Variants in RAB10 observed in about 807,000 individuals in gnomAD.
RAB10 encodes the protein ras-related protein Rab-10.
In RAB10, 5 loss-of-function variants were observed where a neutral mutation model predicts 25.7. The observed-to-expected ratio is 0.19, with a 90% CI of 0.10 to 0.41. The LOEUF is 0.41. RAB10 is among the 10% of genes least tolerant of loss of function. RAB10 has a pLI of 1.00. For synonymous variants in RAB10, 89 were observed against 86.4 expected (o/e 1.03, Z -0.16); for missense variants, 103 against 245.8 (o/e 0.42, Z 3.89).
chr2:26,081,632 T>C (rs1371751076), intron 1 of RAB10, among the ~76,000 whole-genome samples: 3 of 152,236 alleles, frequency 2.0e-5, no homozygotes. Context: ...ATTGACGTAC[T>C]TGGGTTATAT....
At chr2:26,104,305 G>T (rs1667420436) in intron 2 of RAB10, among the ~76,000 whole-genome samples, 1 of 152,140 alleles carries the variant, frequency 6.6e-6, no homozygotes, top group Non-Finnish European at 1.5e-5. Context: ...TCTCATTATG[G>T]TTTTTATTTG....
chr2:26,063,200 C>A lies in RAB10; in HGVS notation c.127+28465C>A, dbSNP rs906832123. Among the ~76,000 whole-genome samples the A allele has an allele frequency of 6.6e-5, 10 of 151,918 alleles. No individual in the cohort carries two copies. The East Asian group carries it at 1.9e-3, about 29-fold the overall frequency. ...AGACTGTCCTCCTCAGGCTCGCTTT[C>A]TTGTGTAGATAGCCTTGGCAGTTTT... is the stretch of plus-strand genomic sequence containing the variant. On this transcript the variant is annotated intron_variant, in intron 1 of 5. Coordinates refer to ENST00000264710, the MANE Select transcript of RAB10 (RefSeq NM_016131.5).
intron 1 of RAB10, among the ~76,000 whole-genome samples, chr2:26,090,822 C>T (rs977985328): frequency 4.0e-5 from 6 of 151,750 alleles, no homozygotes; most frequent in African/African-American, 9.7e-5. Context: ...TAGTCCCAGC[C>T]GCTCTGGGCA....
intron 1 of RAB10, among the ~76,000 whole-genome samples, chr2:26,062,050 G>A (rs1472593759): frequency 6.6e-6 from 1 of 152,116 alleles, no homozygotes. Flanking sequence ...TTCTGTATGT[G>A]ATGTCTTTTT....
intron 2 of RAB10, 120 bp from the exon 3 acceptor site, chr2:26,109,648 A>T: frequency 9.8e-7 from 1 of 1,020,280 alleles, no homozygotes; most frequent in Non-Finnish European, 1.3e-6. Context: ...GTAGGTTATT[A>T]ATTTCCTTCA....
chr2:26,079,327 A>ACG (rs1342205984), intron 1 of RAB10, among the ~76,000 whole-genome samples: 1 of 141,336 alleles, frequency 7.1e-6, no homozygotes, highest in Non-Finnish European at 1.6e-5. Context: ...ACACACAAAC[A>ACG]CACACACACA....
At chr2:26,086,482 A>G (rs905326319) in intron 1 of RAB10, among the ~76,000 whole-genome samples, 1 of 152,226 alleles carries the variant, frequency 6.6e-6, no homozygotes, top group Admixed American at 6.5e-5. Flanking sequence ...ACGTGGAGAA[A>G]TTGGAGCCCT....
chr2:26,089,849 A>G (rs1246135739), intron 1 of RAB10, among the ~76,000 whole-genome samples: 1 of 152,200 alleles, frequency 6.6e-6, no homozygotes, highest in Non-Finnish European at 1.5e-5. Flanking sequence ...TAAGCCAAGT[A>G]GTGTACTATA....
At chr2:26,094,393 A>G (rs60458548) in intron 1 of RAB10, among the ~76,000 whole-genome samples, 2,226 of 151,436 alleles carry the variant, frequency 0.015, 39 homozygotes, top group South Asian at 0.039. Flanking sequence ...CTGGGATTAC[A>G]GGCGCCCACC....
chr2:26,101,143 T>G (rs1667330256), intron 2 of RAB10, among the ~76,000 whole-genome samples: 1 of 152,086 alleles, frequency 6.6e-6, no homozygotes, highest in South Asian at 2.1e-4. Flanking sequence ...TTGCCAGGTG[T>G]TGGTGGTAGG....
At chr2:26,087,607 G>A (rs1201409444) in intron 1 of RAB10, among the ~76,000 whole-genome samples, 1 of 152,118 alleles carries the variant, frequency 6.6e-6, no homozygotes, top group East Asian at 1.9e-4. Flanking sequence ...TTCACCAGTT[G>A]ACCAGGTTGG....
At chr2:26,115,400 C>T (rs1667662674) in intron 3 of RAB10, among the ~76,000 whole-genome samples, 1 of 151,948 alleles carries the variant, frequency 6.6e-6, no homozygotes, top group East Asian at 1.9e-4. Flanking sequence ...AAGGGAACAT[C>T]ACTCAGCCAT....
chr2:26,048,104 T>G (rs1666055586), intron 1 of RAB10, among the ~76,000 whole-genome samples: 1 of 151,998 alleles, frequency 6.6e-6, no homozygotes, highest in Non-Finnish European at 1.5e-5. Flanking sequence ...TTGTTTAATC[T>G]TTACCCATTG....
intron 1 of RAB10, among the ~76,000 whole-genome samples, chr2:26,094,291 A>T (rs936361052): frequency 4.8e-5 from 7 of 146,918 alleles, no homozygotes; most frequent in African/African-American, 1.8e-4. Context: ...CATTCTTGTC[A>T]CCCAGGCTGG....
chr2:26,130,572 T>C (rs1054217901), intron 5 of RAB10, among the ~76,000 whole-genome samples: 3 of 151,980 alleles, frequency 2.0e-5, no homozygotes, highest in African/African-American at 4.8e-5. Flanking sequence ...GCTTTCTGAG[T>C]AGCTAGGACC....
intron 1 of RAB10, among the ~76,000 whole-genome samples, chr2:26,095,345 T>C (rs890714557): frequency 5.9e-5 from 9 of 152,086 alleles, no homozygotes; most frequent in Admixed American, 2.0e-4. Flanking sequence ...CGGTGGCTCA[T>C]GCCTATAATC....
At chr2:26,079,334 CACACACACACACACACACACTATAT>C (rs1355927478) in intron 1 of RAB10, among the ~76,000 whole-genome samples, 5 of 151,522 alleles carry the variant, frequency 3.3e-5, no homozygotes, top group African/African-American at 1.2e-4. Context: ...AACACACACA[CACACACACACACACACACACTATAT>C]ACACATACTA....
intron 1 of RAB10, among the ~76,000 whole-genome samples, chr2:26,063,704 C>T (rs900314627): frequency 2.6e-5 from 4 of 152,144 alleles, no homozygotes; most frequent in African/African-American, 7.2e-5. Flanking sequence ...ATTTAATTGC[C>T]TTGTCTCTTT....
At chr2:26,078,162 T>C (rs539125859) in intron 1 of RAB10, among the ~76,000 whole-genome samples, 1 of 152,222 alleles carries the variant, frequency 6.6e-6, no homozygotes, top group East Asian at 1.9e-4. Flanking sequence ...GAAAGCATTG[T>C]TGAAGGAAAT....
Sources: allele counts gnomAD v4.1 joint callset (sites outside exome capture counted in the v4.1 genomes callset), GRCh38; gene constraint gnomAD v4.1.1; transcripts MANE v1.5; gene names NCBI Gene and HGNC (gene_info 2026-07-23, HGNC 2026-07-21).